Variants in ABCA5 observed in about 807,000 individuals in gnomAD.
ABCA5 encodes the protein cholesterol transporter ABCA5.
ABCA5 carries 163 observed loss-of-function variants against 206.0 expected under a neutral mutation model. That is an observed-to-expected ratio of 0.79 (90% CI 0.70 to 0.90). The LOEUF is 0.90. Ranked by LOEUF, ABCA5 falls within the 40% of genes least tolerant of loss-of-function variation. The pLI is 0.00. For missense variants in ABCA5, 1,859 were observed against 1,912.9 expected (o/e 0.97, Z 0.53); for synonymous variants, 609 against 613.8 (o/e 0.99, Z 0.11).
chr17:69,251,682 A>G, intron 35 of ABCA5, 65 bp downstream of exon 35: 1 of 1,548,060 alleles, frequency 6.5e-7, no homozygotes, highest in East Asian at 2.3e-5. Context: ...TGTTTTTGAA[A>G]TGATGACTTT....
rs533978219 is a variant in ABCA5 at position 69,248,182 on chromosome 17, C to G, written c.4821+80G>C. On this transcript the variant is annotated intron_variant, in intron 38 of 38. Transcript: ENST00000392676. ...TGTCACTGGTTTACGATATCTCTCC[C>G]TCTCTAATATAAACCAAAACAATCG... 1.5e-5 allele frequency: 12 copies of G among 798,190 alleles called. No individual in the cohort carries two copies. The East Asian group carries it at 2.0e-4, about 13-fold the overall frequency. 49.4% of individuals were successfully genotyped at this position (798,190 alleles called of 1,614,324 possible).
intron 1 of ABCA5, among the ~76,000 whole-genome samples, chr17:69,315,830 T>C (rs147406518): frequency 6.7e-6 from 1 of 149,698 alleles, no homozygotes; most frequent in East Asian, 1.9e-4. Context: ...AAATCAAAGA[T>C]ACCAATGCTG....
At position 69,302,722 on chromosome 17, in the gene ABCA5, G is replaced by A. The variant is rs771331389; in HGVS notation, c.1115C>T (p.Ala372Val). 6.4e-7 allele frequency: 1 copy of A among 1,558,380 alleles called. No homozygotes were observed. Among genetic ancestry groups the A allele is most frequent in the Non-Finnish European group, 8.6e-7 (1 of 1,161,828 alleles). ...CAAGATTAATATATTACCTACCTGT[G>A]CAATACCAATCACAAAAGTACAGTG... ...FCHCTFVIGI[A>V]QVMHLEDFNE... is the part of the protein sequence containing the mutation. The change falls in exon 8 of 39, where the codon GCA (alanine) becomes GTA (valine). Residue 372 changes from alanine to valine, a missense_variant. Coordinates refer to ENST00000392676, the MANE Select transcript of ABCA5 (RefSeq NM_172232.4).
rs369184237 is a variant in ABCA5 at position 69,276,746 on chromosome 17, C to T, written c.2594+895G>A. On this transcript the variant is annotated intron_variant, in intron 19 of 38. Coordinates refer to ENST00000392676, the MANE Select transcript of ABCA5 (RefSeq NM_172232.4). ...AGCAAACCACCATGGCACATGCATA[C>T]CTATGTAACAAACCTGCAAGTTCTG... Among the ~76,000 whole-genome samples the T allele has an allele frequency of 6.2e-4, 94 of 152,194 alleles. 1 individual carries two copies. The South Asian group carries it at 0.019, about 31-fold the overall frequency.
Position 69,255,854 on chromosome 17 carries a change from A to G in ABCA5, c.3859-4T>C, listed in dbSNP as rs78837144. On this transcript the variant is annotated splice_polypyrimidine_tract_variant and splice_region_variant and intron_variant, in intron 29 of 38. Coordinates refer to ENST00000392676, the MANE Select transcript of ABCA5 (RefSeq NM_172232.4). ...TGCTGACCATAATGGATGGTTTCTA[A>G]TAAGAAAAATTGTATTTAAAAAGAA... 84,373 of 1,537,242 alleles carry G rather than the reference A, an allele frequency of 0.055. 2,724 individuals are homozygous for G. The highest frequency in any genetic ancestry group is 0.065 in the Non-Finnish European group (74,067 of 1,137,888).
intron 35 of ABCA5, 113 bp from the exon 36 acceptor site, chr17:69,250,734 T>A: frequency 1.3e-6 from 1 of 760,002 alleles, no homozygotes; most frequent in Non-Finnish European, 1.9e-6. Context: ...TAGAGAAAAA[T>A]TACAAAGAAA....
intron 28 of ABCA5, among the ~76,000 whole-genome samples, chr17:69,258,121 CAG>C (rs919622898): frequency 1.3e-5 from 2 of 151,698 alleles, no homozygotes; most frequent in African/African-American, 4.8e-5. Flanking sequence ...CGTTACCAAA[CAG>C]TATTAAAATA....
At chr17:69,273,272 G>A (rs1208091004) in intron 20 of ABCA5, among the ~76,000 whole-genome samples, 2 of 151,636 alleles carry the variant, frequency 1.3e-5, no homozygotes, top group Admixed American at 6.6e-5. Flanking sequence ...ACACTTCTAT[G>A]CAGACACATA....
At chr17:69,289,153 T>C (rs1468611261) in intron 14 of ABCA5, 24 bp downstream of exon 14, 1 of 1,589,394 alleles carries the variant, frequency 6.3e-7, no homozygotes, top group Non-Finnish European at 8.5e-7. Flanking sequence ...AATGAGCTCA[T>C]CTGTAAAAGT....
rs1378674883 is a variant in ABCA5 at position 69,326,867 on chromosome 17, T to C, written c.-16+185A>G. Among the ~76,000 whole-genome samples the C allele has an allele frequency of 1.3e-5, 2 of 151,730 alleles. No homozygotes were observed. Among genetic ancestry groups the C allele is most frequent in the African/African-American group, 2.4e-5 (1 of 41,290 alleles). ...CTTCCCGGGAGCTGAGGGAGGTCTG[T>C]TTCCCTCAGCTCGCCGCCTCTGCCC... On this transcript the variant is annotated intron_variant, in intron 1 of 38. Coordinates refer to ENST00000392676, the MANE Select transcript of ABCA5 (RefSeq NM_172232.4). This position sits in a 1 kb window ranked among gnomAD's most constrained non-coding sequence, Gnocchi z 4.8.
rs567835023 is a variant in ABCA5, at chr17:69,292,212, G to A, written c.1496-886C>T. On this transcript the variant is annotated intron_variant, in intron 11 of 38. Transcript: ENST00000392676. The stretch of plus-strand genomic sequence containing the variant: ...ACGCCAATAATCTAAGTTAAAATAA[G>A]AAAGGGAACTCAACAACTAAACGTT... Among the ~76,000 whole-genome samples, 8 of 152,222 alleles carry A rather than the reference G, an allele frequency of 5.3e-5. No individual in the cohort carries two copies. In the South Asian group the frequency reaches 1.7e-3, roughly 32 times the overall value.
At chr17:69,300,023 G>A (rs984643655) in intron 9 of ABCA5, among the ~76,000 whole-genome samples, 2 of 152,080 alleles carry the variant, frequency 1.3e-5, no homozygotes, top group African/African-American at 2.4e-5. Context: ...GTTTCAGGAT[G>A]ATTCAAATGC....
At chr17:69,255,397 A>G (rs926268555) in intron 31 of ABCA5, 146 bp downstream of exon 31, 14 of 505,008 alleles carry the variant, frequency 2.8e-5, no homozygotes, top group Admixed American at 7.9e-5. Flanking sequence ...AGATAACCCA[A>G]AAGATCATAA....
At chr17:69,293,792 T>TA (rs2075552821) in intron 11 of ABCA5, among the ~76,000 whole-genome samples, 1 of 150,458 alleles carries the variant, frequency 6.6e-6, no homozygotes, top group South Asian at 2.1e-4. Flanking sequence ...AGTAATTACT[T>TA]AAAACAAACC....
intron 18 of ABCA5, among the ~76,000 whole-genome samples, chr17:69,279,009 C>T (rs1305132614): frequency 6.7e-6 from 1 of 149,474 alleles, no homozygotes; most frequent in South Asian, 2.1e-4. Context: ...CACTCCTATT[C>T]AACATAGTGT....
chr17:69,287,748 G>C lies in ABCA5; in HGVS notation c.1906C>G (p.Leu636Val), dbSNP rs1399203377. ...CCAGCTGTTGGTTCATCTAGCAGCA[G>C]TATCTGTGTGAAAAGAGGTGAAGAA... ...GIAVLGNPKI[L>V]LLDEPTAGMD... The change falls in exon 15 of 39, where the codon CTG becomes GTG. Residue 636 changes from leucine (L) to valine (V), a missense_variant. Physicochemically the swap from Leu to Val is conservative, Grantham distance 32. Transcript: ENST00000392676. 2.8e-5 allele frequency: 45 copies of C among 1,612,560 alleles called. No homozygotes were observed. Among genetic ancestry groups the C allele is most frequent in the Non-Finnish European group, 3.7e-5 (44 of 1,179,306 alleles).
intron 21 of ABCA5, 86 bp from the exon 22 acceptor site, chr17:69,270,836 G>A: frequency 2.4e-6 from 3 of 1,255,534 alleles, no homozygotes; most frequent in African/African-American, 1.6e-5. Flanking sequence ...CACCAACAAA[G>A]CTAATTCTCA....
At chr17:69,309,537 T>C (rs1220763136) in intron 3 of ABCA5, 114 bp from the exon 4 acceptor site, 6 of 829,568 alleles carry the variant, frequency 7.2e-6, no homozygotes, top group Non-Finnish European at 5.2e-6. Context: ...TTTTGCTATA[T>C]TTACTTCTTA....
chr17:69,293,067 C>G (rs1393555333), intron 11 of ABCA5, among the ~76,000 whole-genome samples: 1 of 152,122 alleles, frequency 6.6e-6, no homozygotes, highest in African/African-American at 2.4e-5. Context: ...TTGGTAAAGA[C>G]TGGAGACATT....
Sources: gnomAD v4.1 joint callset for allele counts (sites outside exome capture counted in the v4.1 genomes callset) on GRCh38, gnomAD v4.1.1 for gene constraint, Gnocchi (gnomAD v3.1) non-coding constraint, MANE v1.5 for transcripts, NCBI Gene and HGNC (gene_info 2026-07-23, HGNC 2026-07-21) for gene names.